Variants in TPD52L1 observed in about 807,000 individuals in gnomAD.
TPD52L1 encodes tumor protein D53.
A neutral mutation model predicts 28.7 loss-of-function variants in TPD52L1; 18 were observed. That is an observed-to-expected ratio of 0.63 (90% confidence interval 0.43 to 0.93). The LOEUF (loss-of-function observed/expected upper bound fraction) is 0.93, where lower values mean the gene tolerates loss of function less well. Ranked by LOEUF, TPD52L1 falls within the 40% of genes least tolerant of loss-of-function variation. The probability of loss-of-function intolerance (pLI) is 0.00; values close to 1 mark genes in which losing one functional copy is unlikely to be tolerated. For missense variants in TPD52L1, 203 were observed against 254.8 expected, an observed-to-expected ratio of 0.80 and a Z score of 1.39; for synonymous variants, 75 against 88.8, an observed-to-expected ratio of 0.84 and a Z score of 0.88.
chr6:125,201,590 G>A (rs1308753337), intron 1 of TPD52L1, among the ~76,000 whole-genome samples: 1 of 152,190 alleles, frequency 6.6e-6, no homozygotes, highest in Non-Finnish European at 1.5e-5. Context: ...ACAATGTGTG[G>A]TTAAAGGATC....
intron 5 of TPD52L1, among the ~76,000 whole-genome samples, chr6:125,254,689 C>T (rs979664626): frequency 6.6e-6 from 1 of 152,162 alleles, no homozygotes; most frequent in Non-Finnish European, 1.5e-5. Context: ...AAGCCAAATT[C>T]TTCATATATA....
intron 3 of TPD52L1, among the ~76,000 whole-genome samples, chr6:125,240,314 T>G (rs192188047): frequency 3.3e-5 from 5 of 152,150 alleles, no homozygotes; most frequent in Non-Finnish European, 7.4e-5. Context: ...TGGGCTTTTT[T>G]GGGGGTTCCA....
At chr6:125,224,962 C>A (rs1258862446) in intron 2 of TPD52L1, among the ~76,000 whole-genome samples, 1 of 152,122 alleles carries the variant, frequency 6.6e-6, no homozygotes, top group Admixed American at 6.5e-5. Flanking sequence ...GTGTAACCAC[C>A]ACATCTGAAA....
intron 3 of TPD52L1, among the ~76,000 whole-genome samples, chr6:125,235,899 T>G (rs1007030181): frequency 6.6e-6 from 1 of 152,182 alleles, no homozygotes. Context: ...AGGAATATGA[T>G]GTTTAGCCTA....
At chr6:125,190,699 A>G (rs1236562953) in intron 1 of TPD52L1, among the ~76,000 whole-genome samples, 2 of 152,178 alleles carry the variant, frequency 1.3e-5, no homozygotes, top group African/African-American at 2.4e-5. Context: ...ACCATCAGGC[A>G]TTAGATTTTC....
chr6:125,159,159 A>G (rs955658722), intron 1 of TPD52L1, among the ~76,000 whole-genome samples: 2 of 152,222 alleles, frequency 1.3e-5, no homozygotes, highest in East Asian at 1.9e-4. Context: ...AGATTTATAT[A>G]TAGCCTGTAA....
intron 1 of TPD52L1, among the ~76,000 whole-genome samples, chr6:125,194,711 C>G (rs1348873732): frequency 6.6e-6 from 1 of 152,214 alleles, no homozygotes. Context: ...TAAGACCAAA[C>G]TCAGACAATA....
At chr6:125,205,314 G>A (rs1794053935) in intron 1 of TPD52L1, among the ~76,000 whole-genome samples, 1 of 152,184 alleles carries the variant, frequency 6.6e-6, no homozygotes, top group African/African-American at 2.4e-5. Context: ...TGAAAGCTGG[G>A]TCTTAATGCA....
intron 1 of TPD52L1, among the ~76,000 whole-genome samples, chr6:125,159,640 T>C (rs1227686289): frequency 6.6e-6 from 1 of 152,196 alleles, no homozygotes; most frequent in Non-Finnish European, 1.5e-5. Flanking sequence ...TTTCAATTTA[T>C]TTTGCCTAGT....
chr6:125,157,373 A>T (rs1790206615), intron 1 of TPD52L1, among the ~76,000 whole-genome samples: 1 of 152,254 alleles, frequency 6.6e-6, no homozygotes, highest in African/African-American at 2.4e-5. Flanking sequence ...ATGTTCTTTG[A>T]CTTTGTAAAA....
chr6:125,210,271 G>A (rs571636693), intron 1 of TPD52L1, among the ~76,000 whole-genome samples: 1 of 152,304 alleles, frequency 6.6e-6, no homozygotes, highest in South Asian at 2.1e-4. Context: ...AATGACCTAA[G>A]GGAGCTCAGA....
At chr6:125,262,214 C>T (rs1482118840) in intron 6 of TPD52L1, 1 of 152,274 alleles carries the variant, frequency 6.6e-6, no homozygotes, top group African/African-American at 2.4e-5. Flanking sequence ...TGGGAACTAC[C>T]ATTCAAGATG....
At position 125,183,150 on chromosome 6, in the gene TPD52L1, C is replaced by G. The variant is rs139357975; in HGVS notation, c.19+29180C>G. ...CCTGGGACAGGGCTATGCAGGAGAA[C>G]TTTTGAGCGGTGAGATTGGAGCCAG... is the stretch of plus-strand genomic sequence containing the variant. On this transcript the variant is annotated intron_variant, in intron 1 of 6. Transcript: ENST00000534000. Among the ~76,000 whole-genome samples the G allele has an allele frequency of 4.6e-5, 7 of 152,284 alleles. No homozygotes were observed. In the East Asian group the frequency reaches 1.4e-3, roughly 29 times the overall value.
At chr6:125,245,458 C>A (rs2115029141) in intron 3 of TPD52L1, among the ~76,000 whole-genome samples, 1 of 152,188 alleles carries the variant, frequency 6.6e-6, no homozygotes, top group Non-Finnish European at 1.5e-5. Context: ...ATAGGTGGGT[C>A]CATAAAGCTC....
chr6:125,185,517 C>A (rs1164334336), intron 1 of TPD52L1, among the ~76,000 whole-genome samples: 1 of 151,722 alleles, frequency 6.6e-6, no homozygotes, highest in East Asian at 1.9e-4. Flanking sequence ...AATTAAGAAA[C>A]ACACTTGGGA....
chr6:125,185,357 A>G (rs1188154137), intron 1 of TPD52L1, among the ~76,000 whole-genome samples: 2 of 152,204 alleles, frequency 1.3e-5, no homozygotes, highest in Non-Finnish European at 2.9e-5. Context: ...TTCTAGTGCC[A>G]TGAAACATTT....
At chr6:125,260,660 C>T (rs1262844193) in intron 6 of TPD52L1, among the ~76,000 whole-genome samples, 1 of 151,706 alleles carries the variant, frequency 6.6e-6, no homozygotes, top group Non-Finnish European at 1.5e-5. Context: ...CAAAAATTTG[C>T]TGGGCATAAT....
At chr6:125,159,067 C>T (rs117845035) in intron 1 of TPD52L1, among the ~76,000 whole-genome samples, 2 of 152,070 alleles carry the variant, frequency 1.3e-5, no homozygotes, top group African/African-American at 2.4e-5. Flanking sequence ...TGGTGGTTGC[C>T]GAAGGCTGAG....
chr6:125,177,677 A>G (rs1166894934), intron 1 of TPD52L1, among the ~76,000 whole-genome samples: 1 of 152,196 alleles, frequency 6.6e-6, no homozygotes, highest in African/African-American at 2.4e-5. Flanking sequence ...TTAGAGGCTT[A>G]TTTTTAATTA....
Sources: gnomAD v4.1 joint callset for allele counts (sites outside exome capture counted in the v4.1 genomes callset) on GRCh38, gnomAD v4.1.1 for gene constraint, MANE v1.5 for transcripts, NCBI Gene and HGNC (gene_info 2026-07-23, HGNC 2026-07-21) for gene names.